Variants in RARRES1 observed in about 807,000 individuals in gnomAD.
RARRES1 encodes retinoic acid receptor responder 1.
In RARRES1, 34 loss-of-function variants were observed where a neutral mutation model predicts 30.6. The ratio of observed to expected loss-of-function variants is 1.11; its 90% CI spans 0.84 to 1.48. The LOEUF (loss-of-function observed/expected upper bound fraction) is 1.48, where lower values mean the gene tolerates loss of function less well. RARRES1 is among the 40% of genes most tolerant of loss of function. The pLI is 0.00. For missense variants in RARRES1, 373 were observed against 386.5 expected (o/e 0.97, Z 0.29); for synonymous variants, 153 against 155.5 (o/e 0.98, Z 0.12).
chr3:158,709,077 A>G (rs930110697), intron 3 of RARRES1, among the ~76,000 whole-genome samples: 1 of 152,188 alleles, frequency 6.6e-6, no homozygotes, highest in Non-Finnish European at 1.5e-5. Context: ...TCTCTGCTGA[A>G]TTTACTATGA....
rs775302976 is a variant in RARRES1 at position 158,698,002 on chromosome 3, AT to A, written c.673-33del. ...GGAGAAAAAAGAGTTAGTGTAATAA[AT>A]ATGGTGGTATTTAGTGTAATAACTA... On this transcript the variant is annotated intron_variant, in intron 4 of 5. Transcript: ENST00000237696. 4.3e-6 allele frequency: 6 copies of A among 1,392,434 alleles called. No individual in the cohort carries two copies. In the Admixed American group the frequency reaches 1.1e-4, roughly 26 times the overall value. 86.3% of individuals were successfully genotyped at this position (1,392,434 alleles called of 1,614,324 possible). A position where few individuals can be genotyped will look rare whatever the true frequency, so the allele number is the denominator to read the frequency against.
intron 4 of RARRES1, 49 bp downstream of exon 4, chr3:158,704,742 C>T: frequency 1.9e-6 from 3 of 1,595,088 alleles, no homozygotes; most frequent in Admixed American, 1.7e-5. Context: ...AAGGAGACCA[C>T]TTTGATTGTA....
Position 158,732,355 on chromosome 3 carries a change from T to G in RARRES1, c.61A>C (p.Thr21Pro), listed in dbSNP as rs2108161366. The G allele has an allele frequency of 6.9e-7, 1 of 1,448,456 alleles. No individual in the cohort carries two copies. Among genetic ancestry groups the G allele is most frequent in the East Asian group, 3.0e-5 (1 of 33,394 alleles). The allele number at this position is 1,448,456 out of a possible 1,614,324, so 89.7% of individuals were successfully genotyped here. Residue 21 changes from threonine to proline, a missense_variant, in exon 1 of 6, where the codon ACC (threonine) becomes CCC (proline). By Grantham distance (38) the Thr-to-Pro change is conservative. Coordinates refer to ENST00000237696, the MANE Select transcript of RARRES1 (RefSeq NM_206963.2). ...PWSGPRGPRP[T>P]APLLALLLLL... is the part of the protein sequence containing the mutation. ...AGCAGCAGCGCGAGCAGCGGGGCGG[T>G]GGGGCGCGGGCCCCTGGGCCCGGAC...
chr3:158,724,252 G>A (rs184826556), intron 1 of RARRES1, among the ~76,000 whole-genome samples: 1 of 152,270 alleles, frequency 6.6e-6, no homozygotes, highest in East Asian at 1.9e-4. Flanking sequence ...GCCTGGACAC[G>A]GGGTGTGGTA....
At chr3:158,700,825 T>C (rs997915138) in intron 4 of RARRES1, among the ~76,000 whole-genome samples, 1 of 152,236 alleles carries the variant, frequency 6.6e-6, no homozygotes, top group Non-Finnish European at 1.5e-5. Context: ...CTTAATCTTG[T>C]TGCAGACAGA....
At chr3:158,716,159 C>T (rs2108144152) in intron 1 of RARRES1, among the ~76,000 whole-genome samples, 1 of 152,244 alleles carries the variant, frequency 6.6e-6, no homozygotes, top group African/African-American at 2.4e-5. Flanking sequence ...GGAGGCCATT[C>T]ATGAGATGAG....
chr3:158,708,060 ACAAGAATAT>A (rs1451369751), intron 3 of RARRES1, among the ~76,000 whole-genome samples: 1 of 152,230 alleles, frequency 6.6e-6, no homozygotes, highest in East Asian at 1.9e-4. Flanking sequence ...CTACTTCCTG[ACAAGAATAT>A]CAGCATTTCA....
At chr3:158,720,196 A>T (rs1727459936) in intron 1 of RARRES1, among the ~76,000 whole-genome samples, 1 of 150,398 alleles carries the variant, frequency 6.6e-6, no homozygotes, top group Admixed American at 6.6e-5. Context: ...GAGCCCAGCA[A>T]CCTCTCTAAG....
intron 4 of RARRES1, among the ~76,000 whole-genome samples, chr3:158,698,485 C>T (rs1319190954): frequency 6.6e-6 from 1 of 152,200 alleles, no homozygotes; most frequent in Admixed American, 6.5e-5. Flanking sequence ...ATGGGAATTC[C>T]AACCCAGATC....
At chr3:158,698,057 C>T in intron 4 of RARRES1, 87 bp from the exon 5 acceptor site, 1 of 910,446 alleles carries the variant, frequency 1.1e-6, no homozygotes, top group Non-Finnish European at 1.7e-6. Flanking sequence ...TGAATGGGTG[C>T]CTTGTGTCTC....
intron 1 of RARRES1, among the ~76,000 whole-genome samples, chr3:158,725,428 T>C (rs139475861): frequency 4.9e-4 from 75 of 152,342 alleles, no homozygotes; most frequent in African/African-American, 1.7e-3. Context: ...TGTGGGCTGA[T>C]TATTTACATG....
Position 158,697,715 on chromosome 3 carries a change from CCTT to C in RARRES1, c.845_847del (p.Glu282del), listed in dbSNP as rs748599968. 10 of 1,613,416 alleles carry C rather than the reference CCTT, an allele frequency of 6.2e-6. No individual in the cohort carries two copies. Among genetic ancestry groups the C allele is most frequent in the Admixed American group, 1.7e-5 (1 of 59,962 alleles). Reference sequence around the variant, plus strand: ...AAGCTCTGTTGGTACTACAGCTGATCCTTCTTCAGTTCCGGAGGCTTCTTCTGG... The same window carrying C: ...AAGCTCTGTTGGTACTACAGCTGATCCTTCAGTTCCGGAGGCTTCTTCTGG... On this transcript the variant is annotated inframe_deletion, in exon 6 of 6. Transcript: ENST00000237696.
At chr3:158,728,379 A>T (rs1459036462) in intron 1 of RARRES1, among the ~76,000 whole-genome samples, 1 of 152,168 alleles carries the variant, frequency 6.6e-6, no homozygotes, top group Non-Finnish European at 1.5e-5. Context: ...TTACCTGGCT[A>T]CCTGCTCGCC....
rs1727229903 is a variant in RARRES1, at chr3:158,713,827, C to G, written c.309G>C (p.Val103=). ...INPKEGCKVH[V]VFSTERYNPE... ...GGTTGTAGCGCTCTGTGCTGAAGAC[C>G]ACGTGAACTTTACATCCCTCTTTTG... The change falls in exon 2 of 6, where the codon GTG becomes GTC. Residue 103 remains valine (V), a synonymous_variant. Transcript: ENST00000237696. The G allele has an allele frequency of 6.2e-7, 1 of 1,613,968 alleles. No individual in the cohort carries two copies. The highest frequency in any genetic ancestry group is 1.7e-5 in the Admixed American group (1 of 60,002).
chr3:158,699,246 A>G (rs920050519), intron 4 of RARRES1, among the ~76,000 whole-genome samples: 3 of 152,082 alleles, frequency 2.0e-5, no homozygotes, highest in Admixed American at 1.3e-4. Flanking sequence ...TTTGTCCCAG[A>G]AGGGAAACAG....
At chr3:158,725,181 A>AT (rs747942119) in intron 1 of RARRES1, among the ~76,000 whole-genome samples, 3 of 152,182 alleles carry the variant, frequency 2.0e-5, no homozygotes, top group Non-Finnish European at 4.4e-5. Flanking sequence ...CAACCATAGC[A>AT]AGTCAGCCAG....
chr3:158,709,846 C>T (rs758099564), intron 3 of RARRES1, among the ~76,000 whole-genome samples: 14 of 152,232 alleles, frequency 9.2e-5, no homozygotes, highest in South Asian at 2.1e-4. Context: ...AGTGCAGGAA[C>T]GCATGAGCTC....
In RARRES1 at chr3:158,732,312, G is replaced by A. The variant is rs2108161258; in HGVS notation, c.104C>T (p.Ala35Val). The A allele has an allele frequency of 7.4e-7, 1 of 1,346,154 alleles. No individual in the cohort carries two copies. The highest frequency in any genetic ancestry group is 1.9e-5 in the South Asian group (1 of 51,962). The allele number at this position is 1,346,154 out of a possible 1,614,324, so 83.4% of individuals were successfully genotyped here. A position where few individuals can be genotyped will look rare whatever the true frequency, so the allele number is the denominator to read the frequency against. Residue 35 changes from alanine to valine, a missense_variant, in exon 1 of 6, where the codon GCG becomes GTG. Ala to Val is a moderately conservative substitution (Grantham distance 64). Transcript: ENST00000237696. Reference sequence around the variant, plus strand: ...GGGGTCCCCGGACCCCGCGGGCGCCGCCACCGGGGCGAGCAACAGCAGCAG... The same window carrying A: ...GGGGTCCCCGGACCCCGCGGGCGCCACCACCGGGGCGAGCAACAGCAGCAG... Reference protein sequence around the residue: ...LALLLLLAPVAAPAGSGDPDD... With the variant: ...LALLLLLAPVVAPAGSGDPDD...
At chr3:158,721,913 G>A (rs1358272746) in intron 1 of RARRES1, among the ~76,000 whole-genome samples, 3 of 152,082 alleles carry the variant, frequency 2.0e-5, no homozygotes, top group Admixed American at 2.0e-4. Flanking sequence ...CCAACATGGA[G>A]AAACCCCATC....
Sources: allele counts gnomAD v4.1 joint callset (sites outside exome capture counted in the v4.1 genomes callset), GRCh38; gene constraint gnomAD v4.1.1; transcripts MANE v1.5; gene names NCBI Gene and HGNC (gene_info 2026-07-23, HGNC 2026-07-21).